The following FAM53A variants were observed in gnomAD, a reference collection of about 807,000 sequenced individuals.
The protein encoded by FAM53A is family with sequence similarity 53 member A.
Under a neutral mutation model 26.6 loss-of-function variants are expected in FAM53A, and 28 were observed. That is an observed-to-expected ratio of 1.05 (90% CI 0.78 to 1.45). FAM53A has a LOEUF of 1.45. FAM53A is among the 40% of genes most tolerant of loss of function. FAM53A has a pLI of 0.00. For missense variants in FAM53A, 650 were observed against 575.8 expected (o/e 1.13, Z -1.32); for synonymous variants, 290 against 253.1 (o/e 1.15, Z -1.38).
downstream of FAM53A, among the ~76,000 whole-genome samples, chr4:1,614,427 G>T (rs563136956): frequency 1.5e-5 from 2 of 136,898 alleles, no homozygotes; most frequent in Admixed American, 7.1e-5. Context: ...ATGCAGAGAC[G>T]TGAGGGGGAT....
the FAM53A span, among the ~76,000 whole-genome samples, chr4:1,580,569 T>A: frequency 6.8e-5 from 1 of 14,694 alleles, no homozygotes; most frequent in African/African-American, 3.1e-4. Flanking sequence ...CCTCCCGCCC[T>A]AGGCCCCGCC....
intron 4 of FAM53A, among the ~76,000 whole-genome samples, chr4:1,645,253 C>T (rs1285077262): frequency 2.0e-5 from 3 of 152,242 alleles, no homozygotes; most frequent in Non-Finnish European, 4.4e-5. Flanking sequence ...GTCCATGGCA[C>T]AGGCAGGGAC....
At chr4:1,579,847 C>T in the FAM53A span, among the ~76,000 whole-genome samples, 2 of 152,208 alleles carry the variant, frequency 1.3e-5, no homozygotes, top group African/African-American at 4.8e-5. Context: ...GAGCATCCGC[C>T]CCGGGGCATC....
chr4:1,594,712 C>T, the FAM53A span, among the ~76,000 whole-genome samples: 108 of 152,188 alleles, frequency 7.1e-4, no homozygotes, highest in African/African-American at 2.4e-3. Flanking sequence ...TGTGGTGGCT[C>T]CACACATGTA....
At chr4:1,672,283 G>C (rs1714729099) in intron 1 of FAM53A, among the ~76,000 whole-genome samples, 2 of 143,674 alleles carry the variant, frequency 1.4e-5, no homozygotes, top group Admixed American at 7.0e-5. Flanking sequence ...CCAGGAACCA[G>C]CCACCCACAG....
chr4:1,608,950 G>T, the FAM53A span, among the ~76,000 whole-genome samples: 1 of 152,090 alleles, frequency 6.6e-6, no homozygotes, highest in African/African-American at 2.4e-5. Context: ...GGCCCAAGGA[G>T]GAGCAGGAGG....
downstream of FAM53A, among the ~76,000 whole-genome samples, chr4:1,635,772 G>T (rs1157167087): frequency 6.6e-6 from 1 of 150,814 alleles, no homozygotes; most frequent in East Asian, 2.0e-4. Flanking sequence ...TGAAACACAT[G>T]AGGTTTTGTT....
intron 1 of FAM53A, among the ~76,000 whole-genome samples, chr4:1,675,188 G>C (rs763030465): frequency 6.6e-6 from 1 of 152,230 alleles, no homozygotes; most frequent in Non-Finnish European, 1.5e-5. Context: ...GGTAGATGTA[G>C]AAGAGACGTG....
intron 1 of FAM53A, among the ~76,000 whole-genome samples, chr4:1,675,318 C>T (rs761309909): frequency 2.6e-5 from 4 of 152,096 alleles, no homozygotes; most frequent in African/African-American, 9.7e-5. Context: ...GAAGCACAGC[C>T]GGCATCAGGC....
chr4:1,640,334 C>G lies in FAM53A; in HGVS notation c.*959G>C. On this transcript the variant is annotated 3_prime_UTR_variant, in exon 5 of 5. Coordinates refer to ENST00000308132, the MANE Select transcript of FAM53A (RefSeq NM_001174070.3). ...TGCGCAAGCCCCAAGCACCGTGACCCGTCGGGAGGGGGGGACACACGGGGC... is the reference window on the plus strand; with the variant it reads ...TGCGCAAGCCCCAAGCACCGTGACCGGTCGGGAGGGGGGGACACACGGGGC... 4.6e-6 allele frequency: 1 copy of G among 217,846 alleles called. No homozygotes were observed. The highest frequency in any genetic ancestry group is 8.9e-6 in the Non-Finnish European group (1 of 111,850). The allele number at this position is 217,846 out of a possible 1,614,324, so 13.5% of individuals were successfully genotyped here.
rs374363608 is a variant in FAM53A at position 1,668,760 on chromosome 4, T to C, written c.-19A>G. ...TGACCATGGTCGGGGCCCCGTGTCCTCCGTCCACACCAACAGGCACTGGAG... is the reference window on the plus strand; with the variant it reads ...TGACCATGGTCGGGGCCCCGTGTCCCCCGTCCACACCAACAGGCACTGGAG... On this transcript the variant is annotated 5_prime_UTR_variant, in exon 2 of 5. Transcript: ENST00000308132. 6.2e-7 allele frequency: 1 copy of C among 1,613,424 alleles called. No homozygotes were observed. The highest frequency in any genetic ancestry group is 1.3e-5 in the African/African-American group (1 of 74,916).
intron 4 of FAM53A, among the ~76,000 whole-genome samples, chr4:1,652,267 C>T (rs1015188643): frequency 7.2e-6 from 1 of 138,574 alleles, no homozygotes; most frequent in Non-Finnish European, 1.6e-5. Flanking sequence ...CGCCAGACAC[C>T]GCATACACCA....
At chr4:1,641,767 A>G (rs184241506) in intron 4 of FAM53A, among the ~76,000 whole-genome samples, 160 bp from the exon 5 acceptor site, 120 of 152,216 alleles carry the variant, frequency 7.9e-4, no homozygotes, top group African/African-American at 2.7e-3. Context: ...CACAGCTCTC[A>G]GAGCCCCTTT....
At chr4:1,684,581 G>A (rs1252108517), upstream of FAM53A, among the ~76,000 whole-genome samples, 1 of 151,832 alleles carries the variant, frequency 6.6e-6, no homozygotes, top group Admixed American at 6.6e-5. Flanking sequence ...ACTCGGCGGC[G>A]TCCTCCAGGC....
chr4:1,621,090 C>T (rs1183940300), intron 1 of FAM53A, among the ~76,000 whole-genome samples: 1 of 141,840 alleles, frequency 7.1e-6, no homozygotes, highest in Non-Finnish European at 1.5e-5. Context: ...CTAGCTGAGT[C>T]AGCTACGCTA....
At chr4:1,578,142 C>T in the FAM53A span, among the ~76,000 whole-genome samples, 10 of 152,228 alleles carry the variant, frequency 6.6e-5, no homozygotes, top group East Asian at 1.7e-3. Context: ...CCCCCAGGCC[C>T]CCCCCAAGCC....
chr4:1,636,490 T>A (rs1715844592), downstream of FAM53A, among the ~76,000 whole-genome samples: 1 of 152,234 alleles, frequency 6.6e-6, no homozygotes, highest in African/African-American at 2.4e-5. Flanking sequence ...TCACGGGAGA[T>A]CCCGTCCGTC....
intron 2 of FAM53A, among the ~76,000 whole-genome samples, chr4:1,664,749 G>A (rs894158277): frequency 2.6e-5 from 4 of 152,236 alleles, no homozygotes; most frequent in East Asian, 1.9e-4. Context: ...AGCCTGAAGC[G>A]GGTGGATCAC....
chr4:1,591,231 A>C, the FAM53A span, among the ~76,000 whole-genome samples: 6 of 151,888 alleles, frequency 4.0e-5, no homozygotes, highest in African/African-American at 1.5e-4. Context: ...AGCATACAGC[A>C]GCAGTTTGTT....
Sources: gnomAD v4.1 joint callset for allele counts (sites outside exome capture counted in the v4.1 genomes callset) on GRCh38, gnomAD v4.1.1 for gene constraint, MANE v1.5 for transcripts, NCBI Gene and HGNC (gene_info 2026-07-23, HGNC 2026-07-21) for gene names.